The following LMOD1 variants were observed in gnomAD, a reference collection of about 807,000 sequenced individuals.
LMOD1 encodes the protein leiomodin 1, also known as leiomodin-1.
A neutral mutation model predicts 36.5 loss-of-function variants in LMOD1; 8 were observed. That is an observed-to-expected ratio of 0.22 (90% CI 0.13 to 0.40). LMOD1 has a LOEUF of 0.40. Ranked by LOEUF, LMOD1 falls within the 10% of genes least tolerant of loss-of-function variation. The probability of loss-of-function intolerance (pLI) is 1.00; values close to 1 mark genes in which losing one functional copy is unlikely to be tolerated. For synonymous variants in LMOD1, 284 were observed against 288.7 expected (o/e 0.98, Z 0.17); for missense variants, 630 against 751.1 (o/e 0.84, Z 1.88).
chr1:201,931,316 C>T (rs538839469), intron 1 of LMOD1, among the ~76,000 whole-genome samples: 1 of 152,342 alleles, frequency 6.6e-6, no homozygotes, highest in East Asian at 1.9e-4. Context: ...AGATGGATCA[C>T]TTGAGGGCAA....
At chr1:201,913,468 A>G (rs997835025) in intron 1 of LMOD1, among the ~76,000 whole-genome samples, 4 of 152,088 alleles carry the variant, frequency 2.6e-5, no homozygotes, top group African/African-American at 4.8e-5. Flanking sequence ...TTAGCCGGGC[A>G]TGGTGGTCAG....
Position 201,926,785 on chromosome 1 carries a change from G to A in LMOD1, c.261+19295C>T, listed in dbSNP as rs555973350. On this transcript the variant is annotated intron_variant, in intron 1 of 2. Transcript: ENST00000367288. ...TAATCCCAGCACTTTGGGAGGCTGA[G>A]GAGGGAGGATTGCTTGAGTCCAGGA... 4.6e-5 allele frequency among the ~76,000 whole-genome samples: 7 copies of A among 152,286 alleles called. 1 individual carries two copies. The South Asian group carries it at 1.4e-3, about 32-fold the overall frequency.
In LMOD1 at chr1:201,897,047, G is replaced by A. The variant is rs1298547880; in HGVS notation, c.*1325C>T. 3.4e-6 allele frequency: 1 copy of A among 292,890 alleles called. No individual in the cohort carries two copies. The highest frequency in any genetic ancestry group is 2.2e-5 in the African/African-American group (1 of 45,888). 18.1% of individuals were successfully genotyped at this position (292,890 alleles called of 1,614,324 possible). A position where few individuals can be genotyped will look rare whatever the true frequency, so the allele number is the denominator to read the frequency against. ...TCAAGAGAATGAAATTCAGAAAGATGCCTTTCACCTACACCCGATGGTGGG... is the reference window on the plus strand; with the variant it reads ...TCAAGAGAATGAAATTCAGAAAGATACCTTTCACCTACACCCGATGGTGGG... On this transcript the variant is annotated 3_prime_UTR_variant, in exon 3 of 3. Coordinates refer to ENST00000367288, the MANE Select transcript of LMOD1 (RefSeq NM_012134.3).
chr1:201,926,083 C>G (rs185425041), intron 1 of LMOD1, among the ~76,000 whole-genome samples: 1 of 152,284 alleles, frequency 6.6e-6, no homozygotes, highest in Non-Finnish European at 1.5e-5. Context: ...TGTGCTCTAT[C>G]TATACTGCAT....
chr1:201,903,335 C>T (rs1032942407), intron 1 of LMOD1, among the ~76,000 whole-genome samples: 1 of 152,198 alleles, frequency 6.6e-6, no homozygotes, highest in Non-Finnish European at 1.5e-5. Flanking sequence ...TCTGTTCTAG[C>T]CTCCTGCCCT....
chr1:201,939,695 G>A (rs990096551), intron 1 of LMOD1, among the ~76,000 whole-genome samples: 2 of 152,150 alleles, frequency 1.3e-5, no homozygotes, highest in African/African-American at 4.8e-5. Flanking sequence ...TGGCAGGCAT[G>A]TAAATATTAG....
chr1:201,922,971 C>T (rs751369164), intron 1 of LMOD1, among the ~76,000 whole-genome samples: 68 of 152,046 alleles, frequency 4.5e-4, no homozygotes, highest in Non-Finnish European at 4.4e-4. Flanking sequence ...ATTACAGGTG[C>T]GCACCACCAT....
intron 1 of LMOD1, among the ~76,000 whole-genome samples, chr1:201,941,687 G>A (rs1682120509): frequency 6.6e-6 from 1 of 152,250 alleles, no homozygotes; most frequent in Admixed American, 6.5e-5. Context: ...AACCGATGGG[G>A]GAGGGGGCTG....
At chr1:201,918,760 T>C (rs1681650612) in intron 1 of LMOD1, among the ~76,000 whole-genome samples, 2 of 152,362 alleles carry the variant, frequency 1.3e-5, no homozygotes, top group South Asian at 4.1e-4. Context: ...AAGGTACCCA[T>C]TGCCCAGCTT....
rs916494038 is a variant in LMOD1 at position 201,899,696 on chromosome 1, C to T, written c.1317G>A (p.Lys439=). 1.9e-6 allele frequency: 3 copies of T among 1,614,056 alleles called. No individual in the cohort carries two copies. Among genetic ancestry groups the T allele is most frequent in the East Asian group, 4.5e-5 (2 of 44,882 alleles). The change falls in exon 2 of 3, where the codon AAG becomes AAA. Residue 439 remains lysine, a synonymous_variant. Transcript: ENST00000367288. The surrounding 1 kb of genome is among the most constrained non-coding windows in gnomAD (Gnocchi z 6.3). ...GCAGGGTAGTATTCTCCTTCAGCAGCTTGGCGATCTCCATCTCCGTCTTGC... is the reference window on the plus strand; with the variant it reads ...GCAGGGTAGTATTCTCCTTCAGCAGTTTGGCGATCTCCATCTCCGTCTTGC... ...CGGKTEMEIA[K]LLKENTTLLK... is the part of the protein sequence containing the mutation.
In LMOD1 at chr1:201,899,522, C is replaced by G; in HGVS notation, c.1491G>C (p.Glu497Asp). ...TAGCCACGGCCCCGGCCTTGGGTAC[C>G]TCCAGCAGATCCTTCTTCTCTCCCT... is the stretch of plus-strand genomic sequence containing the variant. The part of the protein sequence containing the change: ...EAKGEKKDLL[E>D]VPKAGAVAKG... The change falls in exon 2 of 3, where the codon GAG becomes GAC. Residue 497 changes from glutamate to aspartate, a missense_variant. Physicochemically the swap from Glu to Asp is conservative, Grantham distance 45. Coordinates refer to ENST00000367288, the MANE Select transcript of LMOD1 (RefSeq NM_012134.3). This position sits in a 1 kb window ranked among gnomAD's most constrained non-coding sequence, Gnocchi z 6.3. 6.2e-7 allele frequency: 1 copy of G among 1,613,970 alleles called. No homozygotes were observed. Among genetic ancestry groups the G allele is most frequent in the Non-Finnish European group, 8.5e-7 (1 of 1,179,888 alleles).
intron 1 of LMOD1, among the ~76,000 whole-genome samples, chr1:201,939,585 C>T (rs1682079763): frequency 1.3e-5 from 2 of 152,192 alleles, no homozygotes; most frequent in Non-Finnish European, 2.9e-5. Flanking sequence ...GAGACCACTG[C>T]TCTTTTGCTG....
At chr1:201,920,045 CTTTTTTTTTTTTTTTT>C (rs576044641) in intron 1 of LMOD1, among the ~76,000 whole-genome samples, 5,701 of 52,980 alleles carry the variant, frequency 0.11, 419 homozygotes, top group East Asian at 0.44. Flanking sequence ...GGCTCTCTCT[CTTTTTTTTTTTTTTTT>C]TTTTTTTTTT....
At chr1:201,911,327 G>C (rs1681493971) in intron 1 of LMOD1, among the ~76,000 whole-genome samples, 2 of 152,210 alleles carry the variant, frequency 1.3e-5, no homozygotes, top group Non-Finnish European at 2.9e-5. Flanking sequence ...TGCTAAGGCA[G>C]AGTTAGGGAG....
intron 1 of LMOD1, among the ~76,000 whole-genome samples, chr1:201,911,738 A>ACCT (rs763494254): frequency 5.1e-4 from 78 of 151,818 alleles, no homozygotes; most frequent in Middle Eastern, 3.4e-3. Context: ...TGGCCTAGGG[A>ACCT]CCTCCACTGT....
chr1:201,906,346 C>A (rs117936553), intron 1 of LMOD1, among the ~76,000 whole-genome samples: 17 of 152,158 alleles, frequency 1.1e-4, no homozygotes, highest in Admixed American at 1.0e-3. Flanking sequence ...CTGCATCAGT[C>A]CCCCCACCCG....
At chr1:201,915,108 C>T (rs1271526936) in intron 1 of LMOD1, among the ~76,000 whole-genome samples, 4 of 152,212 alleles carry the variant, frequency 2.6e-5, no homozygotes, top group East Asian at 1.9e-4. Flanking sequence ...GCTCAAACTG[C>T]GTGGGAAGCA....
intron 1 of LMOD1, among the ~76,000 whole-genome samples, chr1:201,939,789 T>C (rs113690015): frequency 6.7e-6 from 1 of 149,216 alleles, no homozygotes; most frequent in African/African-American, 2.5e-5. Flanking sequence ...TGTGTGTGTA[T>C]ACACATGTGT....
intron 1 of LMOD1, among the ~76,000 whole-genome samples, chr1:201,927,589 A>C (rs911137756): frequency 1.3e-4 from 9 of 67,608 alleles, no homozygotes; most frequent in South Asian, 3.8e-4. Context: ...CAAAAAAAAC[A>C]AAAAAAAAAA....
Sources: allele counts gnomAD v4.1 joint callset (sites outside exome capture counted in the v4.1 genomes callset), GRCh38; gene constraint gnomAD v4.1.1; non-coding constraint Gnocchi (gnomAD v3.1); transcripts MANE v1.5; gene names NCBI Gene and HGNC (gene_info 2026-07-23, HGNC 2026-07-21).